The following TLL2 variants were observed in gnomAD, a reference collection of about 807,000 sequenced individuals.
TLL2 encodes the protein tolloid-like protein 2.
In TLL2, 106 loss-of-function variants were observed where a neutral mutation model predicts 123.0. The ratio of observed to expected loss-of-function variants is 0.86; its 90% confidence interval spans 0.74 to 1.01. TLL2 has a LOEUF of 1.01. TLL2 is among the 50% of genes least tolerant of loss of function. TLL2 has a pLI of 0.00. For synonymous variants in TLL2, 494 were observed against 516.8 expected (o/e 0.96, Z 0.60); for missense variants, 1,332 against 1,336.7 (o/e 1.00, Z 0.06).
intron 3 of TLL2, among the ~76,000 whole-genome samples, chr10:96,441,424 A>G (rs1388939374): frequency 6.6e-6 from 1 of 152,184 alleles, no homozygotes. Flanking sequence ...GAGCTTTTAA[A>G]AAATTCTGGT....
At chr10:96,398,868 CTTTTTTTTTTTT>C (rs3033618) in intron 10 of TLL2, among the ~76,000 whole-genome samples, 3 of 107,746 alleles carry the variant, frequency 2.8e-5, no homozygotes, top group African/African-American at 3.8e-5. Flanking sequence ...TGAAAATATT[CTTTTTTTTTTTT>C]TTTTTTTTTG....
chr10:96,426,078 T>C (rs1846675036), intron 5 of TLL2, among the ~76,000 whole-genome samples: 1 of 152,090 alleles, frequency 6.6e-6, no homozygotes, highest in Non-Finnish European at 1.5e-5. Flanking sequence ...CCTTGGTTAC[T>C]TTTTTAAAAC....
At chr10:96,496,357 C>T (rs556610327) in intron 1 of TLL2, among the ~76,000 whole-genome samples, 2 of 152,354 alleles carry the variant, frequency 1.3e-5, no homozygotes, top group East Asian at 3.9e-4. Flanking sequence ...ATCCATTACC[C>T]ATTTGTTCCA....
intron 3 of TLL2, among the ~76,000 whole-genome samples, chr10:96,445,070 T>C (rs1292328962): frequency 4.6e-5 from 7 of 152,086 alleles, no homozygotes; most frequent in Admixed American, 4.6e-4. Context: ...GCGCCTGTAG[T>C]CCCAGCTACT....
At chr10:96,485,336 A>T (rs1847346769) in intron 1 of TLL2, among the ~76,000 whole-genome samples, 1 of 152,230 alleles carries the variant, frequency 6.6e-6, no homozygotes. Context: ...GAAAAGGAGG[A>T]CATTATCAAG....
At chr10:96,509,385 G>A (rs1408626573) in intron 1 of TLL2, among the ~76,000 whole-genome samples, 2 of 152,142 alleles carry the variant, frequency 1.3e-5, no homozygotes, top group Non-Finnish European at 2.9e-5. Flanking sequence ...GACAGTGAAG[G>A]GCAGCAGGCT....
intron 9 of TLL2, 70 bp downstream of exon 9, chr10:96,410,289 A>G: frequency 3.5e-6 from 4 of 1,147,314 alleles, no homozygotes; most frequent in Non-Finnish European, 5.1e-6. Context: ...ACTATTAACA[A>G]TAAGAACTCC....
At chr10:96,451,786 G>C (rs750713858) in intron 2 of TLL2, among the ~76,000 whole-genome samples, 2 of 152,088 alleles carry the variant, frequency 1.3e-5, no homozygotes, top group Non-Finnish European at 2.9e-5. Flanking sequence ...GGGACACACC[G>C]CCATTGGGTG....
rs375824709 is a variant in TLL2 at position 96,405,191 on chromosome 10, T to A, written c.1267+41A>T. The A allele has an allele frequency of 1.2e-4, 188 of 1,575,242 alleles. No homozygotes were observed. The Middle Eastern group carries it at 3.5e-3, about 29-fold the overall frequency. On this transcript the variant is annotated intron_variant, in intron 10 of 20. Transcript: ENST00000357947. ...GACATTAACAGCATCCCGGGGAACA[T>A]CCCATCACTCCTCTCTTAACGGTGT... is the stretch of plus-strand genomic sequence containing the variant.
rs762413936 is a variant in TLL2 at position 96,452,045 on chromosome 10, A to AGTAC, written c.287-5881_287-5878dup. On this transcript the variant is annotated intron_variant, in intron 2 of 20. Transcript: ENST00000357947. ...CACCTTATTCCTACTCCATTCATTC[A>AGTAC]GTACGCCTTGGTGGAGCACCTGCTT... is the stretch of plus-strand genomic sequence containing the variant. Among the ~76,000 whole-genome samples, 24 of 152,372 alleles carry AGTAC rather than the reference A, an allele frequency of 1.6e-4. No individual in the cohort carries two copies. The East Asian group carries it at 3.1e-3, about 20-fold the overall frequency.
At chr10:96,504,101 C>A (rs530263834) in intron 1 of TLL2, among the ~76,000 whole-genome samples, 29 of 152,098 alleles carry the variant, frequency 1.9e-4, no homozygotes, top group Admixed American at 1.9e-3. Context: ...CCATCTCCTG[C>A]GAGTGCTCCC....
chr10:96,422,435 T>A (rs898181191), intron 6 of TLL2, 114 bp downstream of exon 6: 24 of 1,231,492 alleles, frequency 1.9e-5, no homozygotes, highest in Non-Finnish European at 2.7e-5. Flanking sequence ...TTGCTCCATA[T>A]TCAGCAGTTA....
intron 2 of TLL2, among the ~76,000 whole-genome samples, chr10:96,456,278 C>T (rs1350790459): frequency 6.6e-6 from 1 of 152,188 alleles, no homozygotes; most frequent in Admixed American, 6.5e-5. Flanking sequence ...CAAAAGGTCA[C>T]CTTCACAAGG....
intron 3 of TLL2, among the ~76,000 whole-genome samples, chr10:96,443,994 C>A (rs188447769): frequency 6.6e-6 from 1 of 152,270 alleles, no homozygotes; most frequent in East Asian, 1.9e-4. Flanking sequence ...GATCAGCAAC[C>A]CAATAGGAAA....
intron 5 of TLL2, among the ~76,000 whole-genome samples, chr10:96,425,376 T>A (rs530383154): frequency 1.3e-5 from 2 of 151,872 alleles, no homozygotes; most frequent in African/African-American, 4.8e-5. Flanking sequence ...TACATACACA[T>A]GTACGTATAT....
chr10:96,429,426 C>T (rs1846714749), intron 4 of TLL2, among the ~76,000 whole-genome samples: 1 of 151,616 alleles, frequency 6.6e-6, no homozygotes, highest in Admixed American at 6.6e-5. Context: ...TCAGGATTTC[C>T]CTTGCTAAAA....
intron 17 of TLL2, among the ~76,000 whole-genome samples, chr10:96,377,852 G>A (rs571130698): frequency 1.5e-3 from 235 of 152,358 alleles, no homozygotes; most frequent in African/African-American, 5.4e-3. Flanking sequence ...CTCAGCTCCT[G>A]AGATGTTGCT....
At chr10:96,476,245 A>C (rs12761362) in intron 2 of TLL2, among the ~76,000 whole-genome samples, 1 of 53,898 alleles carries the variant, frequency 1.9e-5, no homozygotes, top group Non-Finnish European at 3.7e-5. Flanking sequence ...TATATATTTT[A>C]TTTTTGTTGT....
chr10:96,381,910 TCATTTCTA>T (rs1846189501), intron 16 of TLL2, among the ~76,000 whole-genome samples: 2 of 151,980 alleles, frequency 1.3e-5, no homozygotes, highest in Non-Finnish European at 2.9e-5. Flanking sequence ...AATAATTGGG[TCATTTCTA>T]TGCCAAGCAT....
Sources: gnomAD v4.1 joint callset for allele counts (sites outside exome capture counted in the v4.1 genomes callset) on GRCh38, gnomAD v4.1.1 for gene constraint, MANE v1.5 for transcripts, NCBI Gene and HGNC (gene_info 2026-07-23, HGNC 2026-07-21) for gene names.